ZNF780A: variants seen among roughly 807,000 people sequenced by gnomAD.
The protein encoded by ZNF780A is zinc finger protein 780A.
ZNF780A carries 40 observed loss-of-function variants against 56.7 expected under a neutral mutation model. The ratio of observed to expected loss-of-function variants is 0.71; its 90% CI spans 0.55 to 0.92. The LOEUF is 0.92. Ranked by LOEUF, ZNF780A falls within the 40% of genes least tolerant of loss-of-function variation. The pLI, the probability that ZNF780A is intolerant of heterozygous loss-of-function variation, is 0.00. For missense variants in ZNF780A, 672 were observed against 783.3 expected, an observed-to-expected ratio of 0.86 and a Z score of 1.70; for synonymous variants, 231 against 248.3, an observed-to-expected ratio of 0.93 and a Z score of 0.66.
downstream of ZNF780A, chr19:40,072,766 G>T (rs775637790): frequency 9.3e-5 from 125 of 1,350,484 alleles, no homozygotes; most frequent in Non-Finnish European, 1.1e-4. Context: ...AAACATAGAG[G>T]CCCAGAATTA....
chr19:40,083,848 C>T (rs75873293), intron 3 of ZNF780A, among the ~76,000 whole-genome samples: 1,739 of 151,908 alleles, frequency 0.011, 26 homozygotes, highest in African/African-American at 0.04. Context: ...TCTATTTATA[C>T]GTTGAGGATG....
intron 5 of ZNF780A, among the ~76,000 whole-genome samples, chr19:40,080,025 GAAGAA>G (rs1336026763): frequency 1.3e-5 from 2 of 151,636 alleles, no homozygotes; most frequent in Non-Finnish European, 2.9e-5. Context: ...GACTAACCAA[GAAGAA>G]AAGAGAAGAA....
At chr19:40,084,025 G>A (rs1459343263) in intron 3 of ZNF780A, among the ~76,000 whole-genome samples, 1 of 151,832 alleles carries the variant, frequency 6.6e-6, no homozygotes, top group Non-Finnish European at 1.5e-5. Flanking sequence ...TCAGCCTCCT[G>A]TGCAGCTGGG....
chr19:40,086,922 C>T (rs1006882289), intron 2 of ZNF780A, among the ~76,000 whole-genome samples: 1 of 152,124 alleles, frequency 6.6e-6, no homozygotes, highest in African/African-American at 2.4e-5. Context: ...AGGCTGGTCT[C>T]AAACTCCTGA....
At chr19:40,076,309 A>G in intron 5 of ZNF780A, 100 bp from the exon 6 acceptor site, 1 of 1,205,892 alleles carries the variant, frequency 8.3e-7, no homozygotes, top group Non-Finnish European at 1.1e-6. Context: ...AACCAATAAA[A>G]CCTTTATTGA....
chr19:40,077,250 T>G (rs988995690), intron 5 of ZNF780A, among the ~76,000 whole-genome samples: 2 of 152,112 alleles, frequency 1.3e-5, no homozygotes, highest in African/African-American at 4.8e-5. Context: ...TACCTGAGAC[T>G]GGGTAATTTA....
chr19:40,070,341 C>T (rs552544416), downstream of ZNF780A: 1 of 152,278 alleles, frequency 6.6e-6, no homozygotes, highest in South Asian at 2.1e-4. Flanking sequence ...ATCTTTGTTA[C>T]TAAAAATTTA....
At chr19:40,090,415 G>C (rs959581119) in intron 1 of ZNF780A, 180 bp from the exon 2 acceptor site, 3 of 152,262 alleles carry the variant, frequency 2.0e-5, no homozygotes, top group Non-Finnish European at 4.4e-5. Flanking sequence ...TCTGGGGACA[G>C]AGCTCTGAGG....
chr19:40,081,994 T>C (rs920506216), intron 4 of ZNF780A, 80 bp from the exon 5 acceptor site: 2 of 915,628 alleles, frequency 2.2e-6, no homozygotes, highest in African/African-American at 1.7e-5. Flanking sequence ...TGCTTAAACT[T>C]ACAATAAATT....
chr19:40,087,369 C>T (rs1568459193), intron 2 of ZNF780A, among the ~76,000 whole-genome samples: 1 of 152,098 alleles, frequency 6.6e-6, no homozygotes, highest in Non-Finnish European at 1.5e-5. Context: ...CTAAGTAGCA[C>T]CCTCCCCGAC....
In ZNF780A at chr19:40,073,613, A is replaced by T. The variant is rs986368846; in HGVS notation, c.*903T>A. ...TTCCTCATTCAAAGACTTTCTCACA[A>T]GAATTATCTTCTCCGAACTCTAAGG... is the stretch of plus-strand genomic sequence containing the variant. On this transcript the variant is annotated 3_prime_UTR_variant, in exon 6 of 6. Transcript: ENST00000683561. 1 of 985,874 alleles carries T rather than the reference A, an allele frequency of 1.0e-6. No individual in the cohort carries two copies. Among genetic ancestry groups the T allele is most frequent in the Non-Finnish European group, 1.2e-6 (1 of 830,298 alleles). The allele number at this position is 985,874 out of a possible 1,614,324, so 61.1% of individuals were successfully genotyped here.
At chr19:40,089,286 AATAC>A in intron 2 of ZNF780A, 2 of 1,414,626 alleles carry the variant, frequency 1.4e-6, no homozygotes, top group Non-Finnish European at 1.9e-6. Context: ...GCACATGATA[AATAC>A]ATACAATTAT....
At chr19:40,086,449 C>T (rs1433970361) in intron 2 of ZNF780A, among the ~76,000 whole-genome samples, 1 of 152,142 alleles carries the variant, frequency 6.6e-6, no homozygotes, top group Non-Finnish European at 1.5e-5. Context: ...AGCTGTATCT[C>T]ACCAATATAA....
At position 40,074,938 on chromosome 19, in the gene ZNF780A, C is replaced by G; in HGVS notation, c.1504G>C (p.Glu502Gln). 6.2e-7 allele frequency: 1 copy of G among 1,614,174 alleles called. No homozygotes were observed. Reference sequence around the variant, plus strand: ...AAAGCCTTCCCACACTCCTTACATTCATAGGGCTTCTCACCAGTGTGAATA... The same window carrying G: ...AAAGCCTTCCCACACTCCTTACATTGATAGGGCTTCTCACCAGTGTGAATA... ...QSIHTGEKPY[E>Q]CKECGKAFRL... The change falls in exon 6 of 6, where the codon GAA becomes CAA. Residue 502 changes from glutamate to glutamine, a missense_variant. Transcript: ENST00000683561.
At chr19:40,081,656 T>C (rs930466843) in intron 5 of ZNF780A, among the ~76,000 whole-genome samples, 163 bp downstream of exon 5, 3 of 152,220 alleles carry the variant, frequency 2.0e-5, no homozygotes, top group African/African-American at 7.2e-5. Context: ...TGATGGCTTC[T>C]GCTGTAATCT....
At chr19:40,070,312 A>G (rs1973776620), downstream of ZNF780A, 1 of 152,198 alleles carries the variant, frequency 6.6e-6, no homozygotes, top group African/African-American at 2.4e-5. Context: ...TATTGAATTG[A>G]CCTGTCACTT....
At chr19:40,078,029 T>C (rs1347137479) in intron 5 of ZNF780A, among the ~76,000 whole-genome samples, 1 of 151,012 alleles carries the variant, frequency 6.6e-6, no homozygotes, top group Non-Finnish European at 1.5e-5. Flanking sequence ...TACAAGAGAA[T>C]TCGGAAGAAC....
At chr19:40,088,864 C>T (rs951908117) in intron 2 of ZNF780A, among the ~76,000 whole-genome samples, 1 of 152,158 alleles carries the variant, frequency 6.6e-6, no homozygotes, top group Non-Finnish European at 1.5e-5. Flanking sequence ...TTTGCAAAAA[C>T]ATGGATGAAC....
At chr19:40,080,132 A>G (rs1419341194) in intron 5 of ZNF780A, among the ~76,000 whole-genome samples, 1 of 152,176 alleles carries the variant, frequency 6.6e-6, no homozygotes, top group Non-Finnish European at 1.5e-5. Flanking sequence ...GAACAGGCCA[A>G]TGAGTAATGA....
Sources: allele counts gnomAD v4.1 joint callset (sites outside exome capture counted in the v4.1 genomes callset), GRCh38; gene constraint gnomAD v4.1.1; transcripts MANE v1.5; gene names NCBI Gene and HGNC (gene_info 2026-07-23, HGNC 2026-07-21).